The following KLHL32 variants were observed in gnomAD, a reference collection of about 807,000 sequenced individuals.
KLHL32 encodes the protein kelch like family member 32.
A neutral mutation model predicts 64.8 loss-of-function variants in KLHL32; 35 were observed. That is an observed-to-expected ratio of 0.54 (90% confidence interval 0.41 to 0.72). KLHL32 has a LOEUF of 0.72. KLHL32 is among the 30% of genes least tolerant of loss of function. KLHL32 has a pLI of 0.00. For synonymous variants in KLHL32, 259 were observed against 281.0 expected, an observed-to-expected ratio of 0.92 and a Z score of 0.78; for missense variants, 589 against 768.5, an observed-to-expected ratio of 0.77 and a Z score of 2.76.
intron 7 of KLHL32, among the ~76,000 whole-genome samples, chr6:97,118,345 G>A (rs770772339): frequency 1.3e-5 from 2 of 152,186 alleles, no homozygotes; most frequent in Non-Finnish European, 2.9e-5. Context: ...AAGGCCGGGT[G>A]CAGTGGCTCA....
chr6:97,125,382 T>C (rs1293022415), intron 7 of KLHL32, among the ~76,000 whole-genome samples: 1 of 152,194 alleles, frequency 6.6e-6, no homozygotes, highest in African/African-American at 2.4e-5. Context: ...GGTGACCTAT[T>C]CAAAGTATTT....
At chr6:96,916,840 G>A in the KLHL32 span, among the ~76,000 whole-genome samples, 314 of 151,972 alleles carry the variant, frequency 2.1e-3, 2 homozygotes, top group African/African-American at 7.4e-3. Context: ...CTTCCTACAC[G>A]TTTATAGTGC....
At chr6:97,120,045 G>A (rs769599166) in intron 7 of KLHL32, among the ~76,000 whole-genome samples, 4 of 152,038 alleles carry the variant, frequency 2.6e-5, no homozygotes, top group Admixed American at 6.5e-5. Context: ...GAAATTGAAG[G>A]TGTAGGGAGG....
In KLHL32 at chr6:96,988,655, G is replaced by A. The variant is rs1478349662; in HGVS notation, c.204+12478G>A. Among the ~76,000 whole-genome samples, 6 of 152,268 alleles carry A rather than the reference G, an allele frequency of 3.9e-5. No homozygotes were observed. The East Asian group carries it at 5.8e-4, about 15-fold the overall frequency. On this transcript the variant is annotated intron_variant, in intron 3 of 10. Transcript: ENST00000369261. Reference sequence around the variant, plus strand: ...TGCTGCTATAAAGATACATGCACACGTATGTTTATTGCAGCACTATTCACA... The same window carrying A: ...TGCTGCTATAAAGATACATGCACACATATGTTTATTGCAGCACTATTCACA...
chr6:97,107,607 A>G (rs1313439851), intron 6 of KLHL32, among the ~76,000 whole-genome samples: 1 of 152,212 alleles, frequency 6.6e-6, no homozygotes, highest in African/African-American at 2.4e-5. Flanking sequence ...TTTGCCAAGA[A>G]TCTCAAATAG....
At chr6:96,941,647 A>G (rs1292147754) in intron 1 of KLHL32, among the ~76,000 whole-genome samples, 1 of 152,196 alleles carries the variant, frequency 6.6e-6, no homozygotes, top group African/African-American at 2.4e-5. Context: ...AGCCCCTCTT[A>G]TGCTATCTCT....
At chr6:97,041,465 CTG>C in intron 3 of KLHL32, 25 bp from the exon 4 acceptor site, 3 of 1,496,148 alleles carry the variant, frequency 2.0e-6, no homozygotes, top group South Asian at 1.1e-5. Flanking sequence ...AGTCTCATAA[CTG>C]TCTTTCTCCC....
intron 3 of KLHL32, among the ~76,000 whole-genome samples, chr6:97,033,856 A>G (rs559706423): frequency 1.3e-5 from 2 of 152,208 alleles, no homozygotes; most frequent in South Asian, 4.1e-4. Context: ...TCCTGTGACC[A>G]TTTTAAAATT....
chr6:97,062,688 A>G (rs919206234), intron 4 of KLHL32, among the ~76,000 whole-genome samples: 3 of 152,344 alleles, frequency 2.0e-5, no homozygotes, highest in Admixed American at 2.0e-4. Context: ...AGCAACAGCT[A>G]TGTGTGCTGA....
the KLHL32 span, among the ~76,000 whole-genome samples, chr6:96,912,457 C>T: frequency 6.6e-6 from 1 of 152,152 alleles, no homozygotes; most frequent in Non-Finnish European, 1.5e-5. Flanking sequence ...TGTGATTTTT[C>T]CTGTGTTGCT....
chr6:96,937,583 C>T (rs1562173514), intron 1 of KLHL32, among the ~76,000 whole-genome samples: 1 of 152,144 alleles, frequency 6.6e-6, no homozygotes, highest in South Asian at 2.1e-4. Flanking sequence ...ACTCCTCACA[C>T]GTTTTCTATT....
At chr6:96,993,083 T>C (rs1225991215) in intron 3 of KLHL32, among the ~76,000 whole-genome samples, 2 of 152,232 alleles carry the variant, frequency 1.3e-5, no homozygotes, top group Non-Finnish European at 2.9e-5. Context: ...TGCTGGAGTT[T>C]TGGTATTTAA....
chr6:97,136,487 G>A (rs996008089), intron 10 of KLHL32, among the ~76,000 whole-genome samples: 3 of 152,184 alleles, frequency 2.0e-5, no homozygotes, highest in African/African-American at 7.2e-5. Context: ...ATAGATTACT[G>A]ACGAAAGTGA....
intron 2 of KLHL32, among the ~76,000 whole-genome samples, chr6:96,973,471 G>A (rs1178135883): frequency 6.6e-6 from 1 of 152,136 alleles, no homozygotes; most frequent in East Asian, 1.9e-4. Flanking sequence ...AAAGTAAGTT[G>A]TGAAAGTTTC....
intron 6 of KLHL32, among the ~76,000 whole-genome samples, chr6:97,095,163 A>G (rs1002863436): frequency 6.6e-6 from 1 of 152,186 alleles, no homozygotes; most frequent in Non-Finnish European, 1.5e-5. Flanking sequence ...AAACCTCTCC[A>G]TCCAGAAAGG....
At chr6:97,022,859 AAG>A (rs1477363983) in intron 3 of KLHL32, among the ~76,000 whole-genome samples, 2 of 152,226 alleles carry the variant, frequency 1.3e-5, no homozygotes, top group Non-Finnish European at 2.9e-5. Context: ...TTATAAAGGA[AAG>A]AGTTTTAATT....
At chr6:97,036,469 G>A (rs1204928218) in intron 3 of KLHL32, among the ~76,000 whole-genome samples, 1 of 152,182 alleles carries the variant, frequency 6.6e-6, no homozygotes, top group Non-Finnish European at 1.5e-5. Flanking sequence ...AGCATTTGAA[G>A]GAGCAGTTAC....
At chr6:97,062,890 T>C (rs1411578097) in intron 4 of KLHL32, among the ~76,000 whole-genome samples, 1 of 152,294 alleles carries the variant, frequency 6.6e-6, no homozygotes, top group African/African-American at 2.4e-5. Flanking sequence ...CTGTTCTACA[T>C]AGGATGGTCA....
chr6:96,937,317 A>G (rs552487504), intron 1 of KLHL32, among the ~76,000 whole-genome samples: 1 of 152,270 alleles, frequency 6.6e-6, no homozygotes, highest in African/African-American at 2.4e-5. Context: ...TATTTGTCTT[A>G]TTTGCTTAGT....
Sources: allele counts gnomAD v4.1 joint callset (sites outside exome capture counted in the v4.1 genomes callset), GRCh38; gene constraint gnomAD v4.1.1; transcripts MANE v1.5; gene names NCBI Gene and HGNC (gene_info 2026-07-23, HGNC 2026-07-21).